FGF14: variants seen among roughly 807,000 people sequenced by gnomAD.
FGF14 encodes fibroblast growth factor homologous factor 4.
A neutral mutation model predicts 25.5 loss-of-function variants in FGF14; 5 were observed. That is an observed-to-expected ratio of 0.20 (90% confidence interval 0.10 to 0.41). FGF14 has a LOEUF of 0.41. Ranked by LOEUF, FGF14 falls within the 10% of genes least tolerant of loss-of-function variation. The pLI, the probability that FGF14 is intolerant of heterozygous loss-of-function variation, is 1.00. For missense variants in FGF14, 222 were observed against 320.1 expected (o/e 0.69, Z 2.34); for synonymous variants, 138 against 118.3 (o/e 1.17, Z -1.08).
intron 1 of FGF14, among the ~76,000 whole-genome samples, chr13:102,318,600 C>T (rs547600734): frequency 1.3e-5 from 2 of 152,176 alleles, no homozygotes; most frequent in Non-Finnish European, 2.9e-5. Flanking sequence ...TCTTCTTCTT[C>T]GACTGGCATT....
chr13:101,774,453 A>G (rs536817765), intron 3 of FGF14, among the ~76,000 whole-genome samples: 15 of 152,140 alleles, frequency 9.9e-5, no homozygotes, highest in Non-Finnish European at 1.3e-4. Flanking sequence ...CTAATCTTGA[A>G]CCAATTCATC....
chr13:102,053,722 G>A (rs2042312999), intron 1 of FGF14, among the ~76,000 whole-genome samples: 1 of 152,024 alleles, frequency 6.6e-6, no homozygotes, highest in Non-Finnish European at 1.5e-5. Context: ...GTTTCCCAGA[G>A]GAAAAACCAG....
intron 1 of FGF14, among the ~76,000 whole-genome samples, chr13:101,981,338 G>GAC (rs1400962771): frequency 2.0e-5 from 3 of 152,060 alleles, no homozygotes; most frequent in Non-Finnish European, 4.4e-5. Flanking sequence ...GCCATGTAAG[G>GAC]ACACAGCTAG....
At chr13:101,787,252 G>A (rs186968793) in intron 3 of FGF14, among the ~76,000 whole-genome samples, 12 of 152,278 alleles carry the variant, frequency 7.9e-5, no homozygotes, top group Admixed American at 7.2e-4. Flanking sequence ...AAATAGTGTT[G>A]TAATAAAGTT....
chr13:102,358,417 G>A (rs1451390324), intron 1 of FGF14, among the ~76,000 whole-genome samples: 1 of 152,168 alleles, frequency 6.6e-6, no homozygotes, highest in African/African-American at 2.4e-5. Context: ...TTACAGGCTT[G>A]TAACTACATA....
chr13:102,357,652 T>C (rs1250718684), intron 1 of FGF14, among the ~76,000 whole-genome samples: 1 of 152,128 alleles, frequency 6.6e-6, no homozygotes, highest in Non-Finnish European at 1.5e-5. Flanking sequence ...ACAGAAATAA[T>C]AGGGACATTG....
intron 1 of FGF14, among the ~76,000 whole-genome samples, chr13:102,190,463 A>T (rs889866829): frequency 6.6e-6 from 1 of 152,164 alleles, no homozygotes; most frequent in African/African-American, 2.4e-5. Context: ...GGATATTGTT[A>T]AGGATCCTAC....
At chr13:102,044,741 C>T (rs1341283427) in intron 1 of FGF14, among the ~76,000 whole-genome samples, 5 of 152,146 alleles carry the variant, frequency 3.3e-5, no homozygotes, top group Non-Finnish European at 7.4e-5. Flanking sequence ...CACCATCCTC[C>T]ACCACTCAAG....
intron 3 of FGF14, among the ~76,000 whole-genome samples, chr13:101,833,074 C>T (rs1036358182): frequency 3.3e-5 from 5 of 152,018 alleles, no homozygotes; most frequent in South Asian, 2.1e-4. Flanking sequence ...GCATGGGTAG[C>T]CCAGGGCTGA....
At chr13:101,733,867 CATTAT>C (rs1399774789) in intron 3 of FGF14, among the ~76,000 whole-genome samples, 3 of 151,366 alleles carry the variant, frequency 2.0e-5, no homozygotes, top group Non-Finnish European at 4.4e-5. Context: ...TACTTTGATT[CATTAT>C]ATTTATTACA....
rs2049140627 is a variant in FGF14 at position 102,191,952 on chromosome 13, C to A, written c.208+209519G>T. Among the ~76,000 whole-genome samples, 10 of 152,258 alleles carry A rather than the reference C, an allele frequency of 6.6e-5. No homozygotes were observed. The South Asian group carries it at 2.1e-3, about 32-fold the overall frequency. On this transcript the variant is annotated intron_variant, in intron 1 of 4. Transcript: ENST00000376131. ...GGCCACAAGAATGTCTAAAACCAAC[C>A]AAGGCAAATTCCATTAGCTCTTAAG...
At chr13:101,951,430 A>T (rs2036161349) in intron 1 of FGF14, among the ~76,000 whole-genome samples, 1 of 152,132 alleles carries the variant, frequency 6.6e-6, no homozygotes, top group South Asian at 2.1e-4. Context: ...AACCAATTAT[A>T]ATCTGTAAAT....
At chr13:101,903,457 A>T (rs2031829502) in intron 1 of FGF14, among the ~76,000 whole-genome samples, 1 of 152,214 alleles carries the variant, frequency 6.6e-6, no homozygotes, top group Admixed American at 6.5e-5. Context: ...TTGTTAAGAT[A>T]AAACAAATAA....
chr13:101,922,923 T>A (rs2034110418), intron 1 of FGF14, among the ~76,000 whole-genome samples: 1 of 152,088 alleles, frequency 6.6e-6, no homozygotes, highest in Non-Finnish European at 1.5e-5. Flanking sequence ...ATCATGTTAT[T>A]TTTCCAAATA....
intron 1 of FGF14, among the ~76,000 whole-genome samples, chr13:101,892,982 C>T (rs186050424): frequency 3.3e-5 from 5 of 152,238 alleles, no homozygotes; most frequent in East Asian, 1.9e-4. Context: ...CAAGATCATA[C>T]GTAGACAGGT....
chr13:102,099,835 T>C lies in FGF14; in HGVS notation c.209-224539A>G, dbSNP rs552467469. On this transcript the variant is annotated intron_variant, in intron 1 of 4. Coordinates refer to the FGF14 transcript ENST00000376131. Reference sequence around the variant, plus strand: ...ATAAAATAATAATGACTATGATATATAGTTAGGTTTAGTAGGGCCCTAGCA... The same window carrying C: ...ATAAAATAATAATGACTATGATATACAGTTAGGTTTAGTAGGGCCCTAGCA... Among the ~76,000 whole-genome samples, 23 of 152,064 alleles carry C rather than the reference T, an allele frequency of 1.5e-4. No individual in the cohort carries two copies. In the East Asian group the frequency reaches 1.5e-3, roughly 10 times the overall value.
Position 101,722,657 on chromosome 13 carries a change from G to T in FGF14, c.*174C>A, listed in dbSNP as rs1042808695. 1.3e-6 allele frequency: 1 copy of T among 787,166 alleles called. No homozygotes were observed. The allele number at this position is 787,166 out of a possible 1,614,324, so 48.8% of individuals were successfully genotyped here. A position where few individuals can be genotyped will look rare whatever the true frequency, so the allele number is the denominator to read the frequency against. On this transcript the variant is annotated 3_prime_UTR_variant, in exon 5 of 5. Coordinates refer to ENST00000376143, the MANE Select transcript of FGF14 (RefSeq NM_004115.4). ...TTATCCAGGTGTCTTCTTGTTGTGGGGGGTGCAACAGGTTGAGATTTATCC... is the reference window on the plus strand; with the variant it reads ...TTATCCAGGTGTCTTCTTGTTGTGGTGGGTGCAACAGGTTGAGATTTATCC...
intron 3 of FGF14, among the ~76,000 whole-genome samples, chr13:101,845,677 A>C (rs907649870): frequency 5.3e-5 from 8 of 152,018 alleles, no homozygotes; most frequent in Non-Finnish European, 7.4e-5. Context: ...AAATGCTTAT[A>C]AGCAAATAAA....
chr13:102,348,387 A>T (rs2057175396), intron 1 of FGF14, among the ~76,000 whole-genome samples: 1 of 152,316 alleles, frequency 6.6e-6, no homozygotes, highest in East Asian at 1.9e-4. Context: ...CAAAGAAAAA[A>T]CAGACAACCA....
Sources: allele counts gnomAD v4.1 joint callset (sites outside exome capture counted in the v4.1 genomes callset), GRCh38; gene constraint gnomAD v4.1.1; transcripts MANE v1.5; gene names NCBI Gene and HGNC (gene_info 2026-07-23, HGNC 2026-07-21).